Variants in TNFRSF21 observed in about 807,000 individuals in gnomAD.
TNFRSF21 encodes tumor necrosis factor receptor superfamily member 21.
Under a neutral mutation model 45.6 loss-of-function variants are expected in TNFRSF21, and 19 were observed. The ratio of observed to expected loss-of-function variants is 0.42; its 90% CI spans 0.29 to 0.61. TNFRSF21 has a LOEUF of 0.61. Among genes scored for constraint, TNFRSF21 ranks in the 20% least tolerant of loss-of-function variants. The pLI is 0.23. For synonymous variants in TNFRSF21, 314 were observed against 335.5 expected, an observed-to-expected ratio of 0.94 and a Z score of 0.70; for missense variants, 737 against 851.5, an observed-to-expected ratio of 0.87 and a Z score of 1.67.
chr6:47,308,438 AG>A (rs1288571988), intron 1 of TNFRSF21, among the ~76,000 whole-genome samples: 45 of 150,996 alleles, frequency 3.0e-4, no homozygotes, highest in African/African-American at 1.1e-3. Context: ...GATAAAAGAT[AG>A]GCAAGGGAAG....
chr6:47,270,650 G>C (rs928974475), intron 3 of TNFRSF21, among the ~76,000 whole-genome samples: 1 of 152,208 alleles, frequency 6.6e-6, no homozygotes, highest in African/African-American at 2.4e-5. Context: ...GAACAAAGCT[G>C]AAAGGAGAAT....
At chr6:47,295,734 A>G (rs1248211388) in intron 1 of TNFRSF21, among the ~76,000 whole-genome samples, 2 of 152,218 alleles carry the variant, frequency 1.3e-5, no homozygotes, top group Non-Finnish European at 2.9e-5. Flanking sequence ...CAGAGCTTCC[A>G]CAAATCACAG....
At chr6:47,277,932 G>A (rs941870319) in intron 3 of TNFRSF21, among the ~76,000 whole-genome samples, 14 of 152,056 alleles carry the variant, frequency 9.2e-5, no homozygotes, top group Non-Finnish European at 1.9e-4. Flanking sequence ...CTAACGCCAC[G>A]CACAAGGTTA....
At chr6:47,268,417 A>G (rs939852450) in intron 3 of TNFRSF21, among the ~76,000 whole-genome samples, 8 of 152,236 alleles carry the variant, frequency 5.3e-5, no homozygotes, top group Non-Finnish European at 1.2e-4. Flanking sequence ...AACATTTTCA[A>G]GTAAAACTGA....
intron 3 of TNFRSF21, among the ~76,000 whole-genome samples, chr6:47,267,629 C>T (rs986871227): frequency 1.3e-5 from 2 of 152,096 alleles, no homozygotes; most frequent in African/African-American, 4.8e-5. Context: ...TCTCCCTGGC[C>T]TTGTGGGAAA....
At chr6:47,270,630 G>A (rs55839776) in intron 3 of TNFRSF21, among the ~76,000 whole-genome samples, 1 of 152,076 alleles carries the variant, frequency 6.6e-6, no homozygotes, top group South Asian at 2.1e-4. Context: ...ACAGCTCTTT[G>A]CCAGCAATGG....
chr6:47,268,358 T>A (rs981280873), intron 3 of TNFRSF21, among the ~76,000 whole-genome samples: 10 of 152,164 alleles, frequency 6.6e-5, no homozygotes, highest in South Asian at 2.1e-4. Flanking sequence ...CCCTCACCAA[T>A]AATAAGGCTC....
intron 3 of TNFRSF21, among the ~76,000 whole-genome samples, chr6:47,262,812 G>T (rs376989870): frequency 6.6e-6 from 1 of 152,140 alleles, no homozygotes; most frequent in Non-Finnish European, 1.5e-5. Flanking sequence ...AAGAGGAGTC[G>T]CAGAGAGAGA....
intron 3 of TNFRSF21, among the ~76,000 whole-genome samples, chr6:47,270,290 G>A (rs571734169): frequency 3.9e-5 from 6 of 152,278 alleles, no homozygotes; most frequent in African/African-American, 1.4e-4. Flanking sequence ...GAAGCTTCCA[G>A]AGGAAGGATC....
At position 47,231,858 on chromosome 6, in the gene TNFRSF21, G is replaced by A. The variant is rs145348575; in HGVS notation, c.*907C>T. The A allele has an allele frequency of 8.5e-5, 13 of 152,730 alleles. No homozygotes were observed. Among genetic ancestry groups the A allele is most frequent in the Non-Finnish European group, 1.5e-4 (10 of 68,030 alleles). The allele number at this position is 152,730 out of a possible 1,614,324, so 9.5% of individuals were successfully genotyped here. A position where few individuals can be genotyped will look rare whatever the true frequency, so the allele number is the denominator to read the frequency against. On this transcript the variant is annotated 3_prime_UTR_variant, in exon 6 of 6. Coordinates refer to ENST00000296861, the MANE Select transcript of TNFRSF21 (RefSeq NM_014452.5). ...AAGACATCTTTTAAAGCAAAGCTGG[G>A]CAAATTCTCTATGGAAAGGGCGCCA...
chr6:47,244,323 C>CAAAAA (rs764763953), intron 4 of TNFRSF21, among the ~76,000 whole-genome samples: 83 of 75,880 alleles, frequency 1.1e-3, no homozygotes, highest in East Asian at 3.2e-3. Flanking sequence ...GACTCCGTCT[C>CAAAAA]AAAAAAAAAA....
At chr6:47,285,892 TCCACTGGGCTCA>T in intron 2 of TNFRSF21, 40 bp downstream of exon 2, 5 of 1,572,262 alleles carry the variant, frequency 3.2e-6, no homozygotes, top group Non-Finnish European at 4.3e-6. Context: ...TCTTGGTACC[TCCACTGGGCTCA>T]AAGCCTTCCT....
At chr6:47,272,062 T>A (rs2113858459) in intron 3 of TNFRSF21, among the ~76,000 whole-genome samples, 1 of 152,224 alleles carries the variant, frequency 6.6e-6, no homozygotes, top group East Asian at 1.9e-4. Flanking sequence ...CACACAATAA[T>A]AATGGGAGAC....
At chr6:47,250,017 TAATTACATTTTAAA>T (rs1764878517) in intron 4 of TNFRSF21, among the ~76,000 whole-genome samples, 1 of 152,162 alleles carries the variant, frequency 6.6e-6, no homozygotes, top group Non-Finnish European at 1.5e-5. Context: ...AATATTTGAG[TAATTACATTTTAAA>T]AATTACATTT....
At chr6:47,245,694 A>G (rs1214773448) in intron 4 of TNFRSF21, among the ~76,000 whole-genome samples, 1 of 152,182 alleles carries the variant, frequency 6.6e-6, no homozygotes, top group East Asian at 1.9e-4. Flanking sequence ...ACAATGGTAT[A>G]TCTTACAATT....
chr6:47,303,780 T>C (rs557227779), intron 1 of TNFRSF21, among the ~76,000 whole-genome samples: 3 of 152,222 alleles, frequency 2.0e-5, no homozygotes, highest in Admixed American at 2.0e-4. Context: ...CAATTTAGGA[T>C]TCCCATTTTA....
intron 1 of TNFRSF21, among the ~76,000 whole-genome samples, chr6:47,297,065 T>C (rs1762798740): frequency 6.6e-6 from 1 of 152,194 alleles, no homozygotes; most frequent in Non-Finnish European, 1.5e-5. Context: ...GACTGAGTCT[T>C]TAAACTGTGG....
chr6:47,307,000 T>C (rs968470047), intron 1 of TNFRSF21, among the ~76,000 whole-genome samples: 1 of 152,180 alleles, frequency 6.6e-6, no homozygotes, highest in Non-Finnish European at 1.5e-5. Context: ...TGGAACAGTA[T>C]CATGAGATCA....
At chr6:47,240,529 G>A (rs1013739157) in intron 4 of TNFRSF21, among the ~76,000 whole-genome samples, 5 of 152,320 alleles carry the variant, frequency 3.3e-5, no homozygotes, top group African/African-American at 1.2e-4. Context: ...CATAGAACCA[G>A]GATTCAAGAC....
Sources: gnomAD v4.1 joint callset for allele counts (sites outside exome capture counted in the v4.1 genomes callset) on GRCh38, gnomAD v4.1.1 for gene constraint, MANE v1.5 for transcripts, NCBI Gene and HGNC (gene_info 2026-07-23, HGNC 2026-07-21) for gene names.